Variants in DBH observed in about 807,000 individuals in gnomAD.
DBH encodes the protein dopamine beta-hydroxylase.
Under a neutral mutation model 64.0 loss-of-function variants are expected in DBH, and 49 were observed. The ratio of observed to expected loss-of-function variants is 0.77; its 90% confidence interval spans 0.61 to 0.97. The LOEUF (loss-of-function observed/expected upper bound fraction) is 0.97. DBH is among the 50% of genes least tolerant of loss of function. DBH has a pLI of 0.00. For synonymous variants in DBH, 343 were observed against 347.1 expected, an observed-to-expected ratio of 0.99 and a Z score of 0.13; for missense variants, 828 against 826.6, an observed-to-expected ratio of 1.00 and a Z score of -0.02.
At chr9:133,652,692 C>T (rs760038386) in intron 8 of DBH, among the ~76,000 whole-genome samples, 14 of 152,186 alleles carry the variant, frequency 9.2e-5, no homozygotes, top group Non-Finnish European at 1.9e-4. Flanking sequence ...GCTGCACCCC[C>T]ACTGGCCTGG....
rs1832250086 is a variant in DBH, at chr9:133,651,672, G to C, written c.1230G>C (p.Gln410His). Reference sequence around the variant, plus strand: ...CCGGGATCCACATCTTCGCCTCTCAGCTCCACACACACCTGACTGGGAGAA... The same window carrying C: ...CCGGGATCCACATCTTCGCCTCTCACCTCCACACACACCTGACTGGGAGAA... ...PPSGIHIFAS[Q>H]LHTHLTGRKV... Residue 410 changes from glutamine to histidine, a missense_variant, in exon 7 of 12, where the codon CAG becomes CAC. Gln to His is a conservative substitution (Grantham distance 24). Coordinates refer to ENST00000393056, the MANE Select transcript of DBH (RefSeq NM_000787.4). 4 of 1,613,890 alleles carry C rather than the reference G, an allele frequency of 2.5e-6. No individual in the cohort carries two copies. The highest frequency in any genetic ancestry group is 3.4e-6 in the Non-Finnish European group (4 of 1,180,014).
At chr9:133,652,710 C>T (rs1832265527) in intron 8 of DBH, among the ~76,000 whole-genome samples, 1 of 152,146 alleles carries the variant, frequency 6.6e-6, no homozygotes, top group South Asian at 2.1e-4. Context: ...TGGGCCCTGG[C>T]CCTGTTGTGA....
intron 2 of DBH, among the ~76,000 whole-genome samples, chr9:133,640,356 C>G (rs1231214245): frequency 7.2e-5 from 11 of 152,218 alleles, no homozygotes; most frequent in Non-Finnish European, 1.2e-4. Flanking sequence ...GGAGCCCAGG[C>G]GACCTGGCTT....
intron 6 of DBH, among the ~76,000 whole-genome samples, chr9:133,649,417 T>G (rs7876027): frequency 0.1 from 15,144 of 152,118 alleles, 1,790 homozygotes; most frequent in African/African-American, 0.29. Flanking sequence ...TCACGCAGAG[T>G]GAAGATTCAA....
intron 3 of DBH, among the ~76,000 whole-genome samples, chr9:133,642,692 G>T (rs1832131623): frequency 6.6e-6 from 1 of 152,156 alleles, no homozygotes; most frequent in African/African-American, 2.4e-5. Context: ...CCACTTCCCT[G>T]CCTGGACCAA....
At chr9:133,638,809 T>G (rs1206936362) in intron 1 of DBH, among the ~76,000 whole-genome samples, 1 of 152,154 alleles carries the variant, frequency 6.6e-6, no homozygotes, top group African/African-American at 2.4e-5. Context: ...GGGCCCTTCT[T>G]GAGTACGAAG....
intron 11 of DBH, among the ~76,000 whole-genome samples, chr9:133,657,519 GGAGAGA>G (rs1212098005): frequency 6.8e-6 from 1 of 146,034 alleles, no homozygotes; most frequent in East Asian, 2.0e-4. Context: ...AGAGAGAGAG[GGAGAGA>G]GAGAGAACCA....
Position 133,652,948 on chromosome 9 carries a change from G to A in DBH, c.1383G>A (p.Val461=). 2 of 1,613,500 alleles carry A rather than the reference G, an allele frequency of 1.2e-6. No homozygotes were observed. Among genetic ancestry groups the A allele is most frequent in the Non-Finnish European group, 8.5e-7 (1 of 1,179,726 alleles). The change falls in exon 9 of 12, where the codon GTG becomes GTA. Residue 461 remains valine (V), a synonymous_variant. Coordinates refer to ENST00000393056, the MANE Select transcript of DBH (RefSeq NM_000787.4). ...KKVVSVHPGD[V]LITSCTYNTE... ...CATTGGCTTTTCCTCAGGGAGATGT[G>A]CTCATCACCTCCTGCACGTACAACA...
At chr9:133,651,573 C>T in intron 6 of DBH, 61 bp from the exon 7 acceptor site, 2 of 1,606,922 alleles carry the variant, frequency 1.2e-6, no homozygotes, top group South Asian at 2.2e-5. Context: ...GGGTCCTGGC[C>T]ATGGACGGGA....
At chr9:133,655,030 C>T (rs371365389) in intron 9 of DBH, 17 of 152,470 alleles carry the variant, frequency 1.1e-4, no homozygotes, top group African/African-American at 3.8e-4. Flanking sequence ...GAACTGACGC[C>T]ACGTCCCAGG....
Position 133,643,295 on chromosome 9 carries a change from T to C in DBH, c.745-118T>C. 9.2e-7 allele frequency: 1 copy of C among 1,085,298 alleles called. No individual in the cohort carries two copies. Among genetic ancestry groups the C allele is most frequent in the East Asian group, 2.6e-5 (1 of 39,206 alleles). The allele number at this position is 1,085,298 out of a possible 1,614,324, so 67.2% of individuals were successfully genotyped here. A position where few individuals can be genotyped will look rare whatever the true frequency, so the allele number is the denominator to read the frequency against. On this transcript the variant is annotated intron_variant, in intron 3 of 11. Coordinates refer to ENST00000393056, the MANE Select transcript of DBH (RefSeq NM_000787.4). The surrounding 1 kb of genome is among the most constrained non-coding windows in gnomAD (Gnocchi z 5.3). Reference sequence around the variant, plus strand: ...GTGAACCCCAGAAGTGCCCCTGAAATTGTCTGGATCATCCCTCCCATTTTA... The same window carrying C: ...GTGAACCCCAGAAGTGCCCCTGAAACTGTCTGGATCATCCCTCCCATTTTA...
chr9:133,652,777 G>T (rs1029628123), intron 8 of DBH, among the ~76,000 whole-genome samples, 163 bp from the exon 9 acceptor site: 8 of 152,162 alleles, frequency 5.3e-5, no homozygotes, highest in African/African-American at 1.7e-4. Flanking sequence ...CTCAGCCTGT[G>T]ACCTTCGCAC....
At chr9:133,653,096 C>A (rs1366380006) in intron 9 of DBH, 97 bp downstream of exon 9, 5 of 931,136 alleles carry the variant, frequency 5.4e-6, no homozygotes, top group Non-Finnish European at 8.9e-6. Context: ...TCACTTAGGG[C>A]ATGGGCTCGT....
rs576952300 is a variant in DBH, at chr9:133,657,092, A to G, written c.1585A>G (p.Thr529Ala). The G allele has an allele frequency of 1.2e-6, 2 of 1,613,956 alleles. No homozygotes were observed. Among genetic ancestry groups the G allele is most frequent in the East Asian group, 4.5e-5 (2 of 44,888 alleles). ...INRFNNEDVC[T>A]CPQASVSQQF... ...CAGGTTCAACAACGAGGATGTCTGC[A>G]CCTGCCCTCAGGCGTCCGTGTCTCA... Residue 529 changes from threonine (T) to alanine (A), a missense_variant, in exon 11 of 12, where the codon ACC (threonine) becomes GCC (alanine). Thr to Ala is a moderately conservative substitution (Grantham distance 58). Transcript: ENST00000393056.
At position 133,636,558 on chromosome 9, in the gene DBH, T is replaced by C. The variant is rs1249798572; in HGVS notation, c.187T>C (p.Trp63Arg). 6.2e-7 allele frequency: 1 copy of C among 1,613,542 alleles called. No individual in the cohort carries two copies. The highest frequency in any genetic ancestry group is 1.3e-5 in the African/African-American group (1 of 74,932). The change falls in exon 1 of 12, where the codon TGG becomes CGG. Residue 63 changes from tryptophan (W) to arginine (R), a missense_variant. By Grantham distance (101) the Trp-to-Arg change is moderately radical. Transcript: ENST00000393056. ...CCCGGAGGGGTCCCTGGAGCTCTCATGGAATGTCAGCTACACCCAGGAGGC... is the reference window on the plus strand; with the variant it reads ...CCCGGAGGGGTCCCTGGAGCTCTCACGGAATGTCAGCTACACCCAGGAGGC... ...LDPEGSLELSWNVSYTQEAIH... is the reference protein window; with the variant it reads ...LDPEGSLELSRNVSYTQEAIH...
At chr9:133,650,551 C>CTTTTTTT (rs5901024) in intron 6 of DBH, among the ~76,000 whole-genome samples, 3 of 112,380 alleles carry the variant, frequency 2.7e-5, no homozygotes, top group Admixed American at 9.9e-5. Context: ...TCCTTCCTTT[C>CTTTTTTT]TTTTTTTTTT....
rs1005029268 is a variant in DBH at position 133,643,140 on chromosome 9, C to T, written c.745-273C>T. Among the ~76,000 whole-genome samples, 1 of 152,116 alleles carries T rather than the reference C, an allele frequency of 6.6e-6. No homozygotes were observed. Among genetic ancestry groups the T allele is most frequent in the East Asian group, 1.9e-4 (1 of 5,176 alleles). ...CCCACTGGGGCTGCAGGAGCTGGCC[C>T]GGCCACAGCCCCATATGCATGAGGA... On this transcript the variant is annotated intron_variant, in intron 3 of 11. Transcript: ENST00000393056. This position sits in a 1 kb window ranked among gnomAD's most constrained non-coding sequence, Gnocchi z 5.3.
chr9:133,638,489 G>A (rs1292182502), intron 1 of DBH, among the ~76,000 whole-genome samples: 2 of 152,214 alleles, frequency 1.3e-5, no homozygotes, highest in East Asian at 3.9e-4. Context: ...CATGGGAAAG[G>A]CCAGGCAGGG....
At chr9:133,638,351 A>G (rs1443136073) in intron 1 of DBH, among the ~76,000 whole-genome samples, 1 of 152,254 alleles carries the variant, frequency 6.6e-6, no homozygotes, top group African/African-American at 2.4e-5. Flanking sequence ...AAAGTTTTGC[A>G]GTATCTTTTG....
Sources: gnomAD v4.1 joint callset for allele counts (sites outside exome capture counted in the v4.1 genomes callset) on GRCh38, gnomAD v4.1.1 for gene constraint, Gnocchi (gnomAD v3.1) non-coding constraint, MANE v1.5 for transcripts, NCBI Gene and HGNC (gene_info 2026-07-23, HGNC 2026-07-21) for gene names.